Variants in UBE2E2 observed in about 807,000 individuals in gnomAD.
UBE2E2 encodes the protein ubiquitin conjugating enzyme E2 E2, also known as ubiquitin-conjugating enzyme E2 E2.
A neutral mutation model predicts 24.7 loss-of-function variants in UBE2E2; 6 were observed. The observed-to-expected ratio is 0.24, with a 90% CI of 0.13 to 0.48. The LOEUF is 0.48. Ranked by LOEUF, UBE2E2 falls within the 20% of genes least tolerant of loss-of-function variation. The probability of loss-of-function intolerance (pLI) is 0.99; values close to 1 mark genes in which losing one functional copy is unlikely to be tolerated. For missense variants in UBE2E2, 169 were observed against 245.0 expected (o/e 0.69, Z 2.07); for synonymous variants, 104 against 83.6 (o/e 1.24, Z -1.33).
At chr3:23,297,932 T>C (rs1698957645) in intron 3 of UBE2E2, among the ~76,000 whole-genome samples, 1 of 152,054 alleles carries the variant, frequency 6.6e-6, no homozygotes, top group South Asian at 2.1e-4. Context: ...TGGAATGTTC[T>C]TCCATTTCTT....
chr3:23,207,082 G>C lies in UBE2E2; in HGVS notation c.-8-1610G>C, dbSNP rs925078048. ...AAGATAGCTATACAGTGCTGAAAGT[G>C]ATTATTAGGTGACAAAACCATGGGG... is the stretch of plus-strand genomic sequence containing the variant. On this transcript the variant is annotated intron_variant, in intron 1 of 5. Coordinates refer to ENST00000396703, the MANE Select transcript of UBE2E2 (RefSeq NM_152653.4). Among the ~76,000 whole-genome samples the C allele has an allele frequency of 6.6e-5, 10 of 152,276 alleles. 2 individuals carry two copies. Among genetic ancestry groups the C allele is most frequent in the Admixed American group, 1.3e-4 (2 of 15,296 alleles).
chr3:23,338,930 A>G (rs548032680), intron 3 of UBE2E2, among the ~76,000 whole-genome samples: 1 of 152,322 alleles, frequency 6.6e-6, no homozygotes, highest in South Asian at 2.1e-4. Flanking sequence ...TTAGTGGACA[A>G]TGTAAGATGG....
In UBE2E2 at chr3:23,298,409, A is replaced by G. The variant is rs577249717; in HGVS notation, c.227+81097A>G. Reference sequence around the variant, plus strand: ...TTCCAGTTTTTGCCCATTCAGTATGATATTGGCTGTAGGTTTGTCATAGAT... The same window carrying G: ...TTCCAGTTTTTGCCCATTCAGTATGGTATTGGCTGTAGGTTTGTCATAGAT... On this transcript the variant is annotated intron_variant, in intron 3 of 5. Transcript: ENST00000396703. 1.5e-3 allele frequency among the ~76,000 whole-genome samples: 235 copies of G among 152,236 alleles called. 2 individuals carry two copies. Among genetic ancestry groups the G allele is most frequent in the African/African-American group, 5.4e-3 (226 of 41,546 alleles).
chr3:23,501,698 G>T (rs551179455), intron 4 of UBE2E2, among the ~76,000 whole-genome samples: 1 of 152,256 alleles, frequency 6.6e-6, no homozygotes, highest in African/African-American at 2.4e-5. Context: ...AAGCAGGAGG[G>T]TGTCAGTTAC....
At chr3:23,361,480 A>C (rs1052117851) in intron 3 of UBE2E2, among the ~76,000 whole-genome samples, 7 of 152,240 alleles carry the variant, frequency 4.6e-5, no homozygotes, top group Non-Finnish European at 2.9e-5. Flanking sequence ...TATAGACACC[A>C]TGGACTACTA....
intron 3 of UBE2E2, among the ~76,000 whole-genome samples, chr3:23,445,425 A>G (rs554515382): frequency 2.6e-5 from 4 of 152,104 alleles, no homozygotes; most frequent in Non-Finnish European, 5.9e-5. Context: ...GACACCATTT[A>G]CCACTGCCAA....
intron 5 of UBE2E2, among the ~76,000 whole-genome samples, chr3:23,576,344 A>G (rs941488496): frequency 2.6e-5 from 4 of 152,222 alleles, no homozygotes; most frequent in Admixed American, 1.3e-4. Flanking sequence ...GCCGGAGGAC[A>G]GTGGATCATA....
In UBE2E2 at chr3:23,250,117, C is replaced by CT. The variant is rs567029324; in HGVS notation, c.227+32806dup. Among the ~76,000 whole-genome samples the CT allele has an allele frequency of 2.3e-3, 354 of 152,256 alleles. 3 individuals are homozygous for CT. The highest frequency in any genetic ancestry group is 8.1e-3 in the African/African-American group (338 of 41,552). ...TTATGGATGCTAGTTCTCAGTAACT[C>CT]TGAGTAAGGACTGTTGTTACCACAA... On this transcript the variant is annotated intron_variant, in intron 3 of 5. Transcript: ENST00000396703.
Position 23,453,489 on chromosome 3 carries a change from A to C in UBE2E2, c.228-46119A>C, listed in dbSNP as rs188847116. Among the ~76,000 whole-genome samples the C allele has an allele frequency of 6.6e-4, 100 of 152,286 alleles. 2 individuals carry two copies. The East Asian group carries it at 0.011, about 17-fold the overall frequency. On this transcript the variant is annotated intron_variant, in intron 3 of 5. Coordinates refer to ENST00000396703, the MANE Select transcript of UBE2E2 (RefSeq NM_152653.4). ...TTAACAAATGAAAAACAAAGACTAC[A>C]GTTTTAGCCTACTTTCTCTTTCCAC...
chr3:23,311,486 T>A (rs1272352710), intron 3 of UBE2E2, among the ~76,000 whole-genome samples: 1 of 152,160 alleles, frequency 6.6e-6, no homozygotes, highest in Non-Finnish European at 1.5e-5. Flanking sequence ...ACAGTGTAGC[T>A]CTCTACTGTA....
intron 3 of UBE2E2, among the ~76,000 whole-genome samples, chr3:23,369,607 T>C (rs1696347453): frequency 6.6e-6 from 1 of 152,196 alleles, no homozygotes; most frequent in South Asian, 2.1e-4. Context: ...AAGCATACTC[T>C]TTGTATATGC....
At chr3:23,292,454 G>A (rs1038836598) in intron 3 of UBE2E2, among the ~76,000 whole-genome samples, 12 of 151,744 alleles carry the variant, frequency 7.9e-5, no homozygotes, top group Non-Finnish European at 1.6e-4. Context: ...TTAGTTTGTG[G>A]GCCATTCTTG....
intron 2 of UBE2E2, 66 bp downstream of exon 2, chr3:23,208,941 C>A: frequency 7.0e-7 from 1 of 1,428,692 alleles, no homozygotes; most frequent in South Asian, 1.6e-5. Flanking sequence ...CTATTTTTCT[C>A]TTGCATTTAA....
chr3:23,359,426 A>G (rs1433410873), intron 3 of UBE2E2, among the ~76,000 whole-genome samples: 2 of 152,226 alleles, frequency 1.3e-5, no homozygotes, highest in African/African-American at 2.4e-5. Flanking sequence ...AGCTCATAGT[A>G]CAAATTTCTT....
At chr3:23,359,843 A>G (rs1333909205) in intron 3 of UBE2E2, among the ~76,000 whole-genome samples, 1 of 152,188 alleles carries the variant, frequency 6.6e-6, no homozygotes, top group Non-Finnish European at 1.5e-5. Context: ...TGAATGAAAT[A>G]TGAACTAGCT....
chr3:23,300,409 C>A (rs1490021101), intron 3 of UBE2E2, among the ~76,000 whole-genome samples: 1 of 152,180 alleles, frequency 6.6e-6, no homozygotes, highest in Non-Finnish European at 1.5e-5. Context: ...CATGTTTTTG[C>A]AGTGGCTGGT....
chr3:23,264,543 G>C (rs1215617415), intron 3 of UBE2E2, among the ~76,000 whole-genome samples: 1 of 152,134 alleles, frequency 6.6e-6, no homozygotes, highest in African/African-American at 2.4e-5. Context: ...TAATGGGACT[G>C]CCTCTTTTGA....
chr3:23,398,242 G>A (rs999354471), intron 3 of UBE2E2, among the ~76,000 whole-genome samples: 14 of 146,296 alleles, frequency 9.6e-5, no homozygotes, highest in African/African-American at 3.1e-4. Flanking sequence ...GAACCTGGGA[G>A]GCAGAGGTTT....
chr3:23,236,883 C>T (rs758228371), intron 3 of UBE2E2, among the ~76,000 whole-genome samples: 4 of 152,170 alleles, frequency 2.6e-5, no homozygotes, highest in Non-Finnish European at 4.4e-5. Flanking sequence ...TTCTCCTACA[C>T]ATGTGCACCA....
Sources: allele counts gnomAD v4.1 joint callset (sites outside exome capture counted in the v4.1 genomes callset), GRCh38; gene constraint gnomAD v4.1.1; transcripts MANE v1.5; gene names NCBI Gene and HGNC (gene_info 2026-07-23, HGNC 2026-07-21).